Variants in GALNT9 observed in about 807,000 individuals in gnomAD.
GALNT9 encodes the protein GalNAc transferase 9.
Under a neutral mutation model 63.1 loss-of-function variants are expected in GALNT9, and 47 were observed. That is an observed-to-expected ratio of 0.75 (90% confidence interval 0.59 to 0.95). GALNT9 has a LOEUF of 0.95. GALNT9 is among the 40% of genes least tolerant of loss of function. GALNT9 has a pLI of 0.00. For missense variants in GALNT9, 829 were observed against 874.8 expected, an observed-to-expected ratio of 0.95 and a Z score of 0.66; for synonymous variants, 396 against 365.7, an observed-to-expected ratio of 1.08 and a Z score of -0.94.
chr12:132,281,211 T>G (rs946633615), intron 2 of GALNT9, among the ~76,000 whole-genome samples: 2 of 152,372 alleles, frequency 1.3e-5, no homozygotes, highest in South Asian at 2.1e-4. Flanking sequence ...CACCGGGGTC[T>G]GCGTTCTAAG....
Position 132,245,984 on chromosome 12 carries a change from C to G in GALNT9, c.1077+1926G>C, listed in dbSNP as rs1269860727. On this transcript the variant is annotated intron_variant, in intron 6 of 10. Coordinates refer to ENST00000328957, the MANE Select transcript of GALNT9 (RefSeq NM_001122636.2). The surrounding 1 kb of genome is among the most constrained non-coding windows in gnomAD (Gnocchi z 6.3). ...GCACTGCCGGTCCCCGGCACCCTCC[C>G]CAGGCTGTCCTCCTCGTCTCTGCGG... Among the ~76,000 whole-genome samples, 4 of 152,236 alleles carry G rather than the reference C, an allele frequency of 2.6e-5. No homozygotes were observed. The highest frequency in any genetic ancestry group is 2.6e-4 in the Admixed American group (4 of 15,292).
intron 1 of GALNT9, among the ~76,000 whole-genome samples, chr12:132,304,565 C>T (rs1881486323): frequency 2.2e-5 from 1 of 45,496 alleles, no homozygotes; most frequent in Non-Finnish European, 3.8e-5. Flanking sequence ...ACACCCTCAC[C>T]GGGGCACACC....
chr12:132,255,217 A>G (rs1295343841), intron 5 of GALNT9, among the ~76,000 whole-genome samples: 2 of 152,206 alleles, frequency 1.3e-5, no homozygotes, highest in East Asian at 3.8e-4. Flanking sequence ...CTGGAACACT[A>G]AAACACAGAT....
At chr12:132,257,005 C>T (rs79362758) in intron 5 of GALNT9, among the ~76,000 whole-genome samples, 143,198 of 152,020 alleles carry the variant, frequency 0.94, 67,640 homozygotes, top group Non-Finnish European at 0.97. Context: ...GAACGGGGGG[C>T]TTCAGCAGCT....
intron 5 of GALNT9, among the ~76,000 whole-genome samples, chr12:132,256,388 G>A (rs1555239089): frequency 6.6e-6 from 1 of 151,938 alleles, no homozygotes; most frequent in Non-Finnish European, 1.5e-5. Flanking sequence ...CTGTTTCTAA[G>A]TATTCCGTGA....
intron 1 of GALNT9, among the ~76,000 whole-genome samples, chr12:132,301,371 T>C (rs79077965): frequency 0.03 from 4,582 of 152,308 alleles, 134 homozygotes; most frequent in East Asian, 0.12. Flanking sequence ...CTCCGCGCCC[T>C]GTTTCACAGA....
intron 6 of GALNT9, among the ~76,000 whole-genome samples, chr12:132,235,001 C>G (rs1439577133): frequency 3.4e-5 from 1 of 29,300 alleles, no homozygotes; most frequent in Non-Finnish European, 5.5e-5. Flanking sequence ...CCTAGTGCCA[C>G]ACACTCGATG....
In GALNT9 at chr12:132,227,636, G is replaced by A. The variant is rs948271795; in HGVS notation, c.1077+20274C>T. On this transcript the variant is annotated intron_variant, in intron 6 of 10. Coordinates refer to ENST00000328957, the MANE Select transcript of GALNT9 (RefSeq NM_001122636.2). The stretch of plus-strand genomic sequence containing the variant: ...ACTGGTGTTTAAGGAATGTCTGCAC[G>A]TGATGAAAATTAGCATGCTTGCTGT... Among the ~76,000 whole-genome samples, 465 of 152,318 alleles carry A rather than the reference G, an allele frequency of 3.1e-3. 1 individual carries two copies. The highest frequency in any genetic ancestry group is 0.01 in the African/African-American group (428 of 41,572).
At chr12:132,242,470 A>G (rs1878453717) in intron 6 of GALNT9, among the ~76,000 whole-genome samples, 1 of 3,864 alleles carries the variant, frequency 2.6e-4, no homozygotes. Flanking sequence ...CACACACGCC[A>G]CACCCCCTTC....
chr12:132,261,773 C>T (rs970269796), intron 3 of GALNT9, among the ~76,000 whole-genome samples: 3 of 152,254 alleles, frequency 2.0e-5, no homozygotes, highest in Non-Finnish European at 2.9e-5. Flanking sequence ...GTCACGGCTG[C>T]AGGCTCTCTG....
chr12:132,228,377 GAT>G (rs1877776732), intron 6 of GALNT9, among the ~76,000 whole-genome samples: 2 of 142,044 alleles, frequency 1.4e-5, no homozygotes, highest in Admixed American at 7.1e-5. Context: ...GAGGAAGGGT[GAT>G]ACCTCTTTGC....
At chr12:132,247,778 C>T in intron 6 of GALNT9, 132 bp downstream of exon 6, 1 of 1,244,712 alleles carries the variant, frequency 8.0e-7, no homozygotes, top group Non-Finnish European at 1.1e-6. Flanking sequence ...TCACCCCATC[C>T]CCGGACGCTG....
At chr12:132,303,151 G>GTGGCCTTC (rs1881372865) in intron 1 of GALNT9, among the ~76,000 whole-genome samples, 1 of 152,044 alleles carries the variant, frequency 6.6e-6, no homozygotes, top group Non-Finnish European at 1.5e-5. Flanking sequence ...TGTCACCCCT[G>GTGGCCTTC]TGGCCTTCAC....
chr12:132,260,971 G>T lies in GALNT9; in HGVS notation c.738C>A (p.Ala246=). The change falls in exon 4 of 11, where the codon GCC becomes GCA. Residue 246 remains alanine (A), a synonymous_variant. Coordinates refer to ENST00000328957, the MANE Select transcript of GALNT9 (RefSeq NM_001122636.2). ...ACCAGCCCGTGTTGAACTCGACGTG[G>T]GCATCAAAGAAGCCGACGACTGGGG... ...ATAPVVGFFD[A]HVEFNTGWAE... is the part of the protein sequence containing the mutation. The T allele has an allele frequency of 6.5e-7, 1 of 1,547,174 alleles. No homozygotes were observed.
rs370366560 is a variant in GALNT9 at position 132,304,521 on chromosome 12, A to G, written c.239-18091T>C. Among the ~76,000 whole-genome samples, 40 of 27,224 alleles carry G rather than the reference A, an allele frequency of 1.5e-3. 1 individual carries two copies. The highest frequency in any genetic ancestry group is 3.0e-3 in the Admixed American group (7 of 2,306). The allele number at this position is 27,224 out of a possible 152,430, so 17.9% of individuals were successfully genotyped here. A position where few individuals can be genotyped will look rare whatever the true frequency, so the allele number is the denominator to read the frequency against. ...CTTGCCCGGGCACACCCTCGCCCGG[A>G]CACACCCTCACCCGGGCACAGAATC... On this transcript the variant is annotated intron_variant, in intron 1 of 10. Coordinates refer to ENST00000328957, the MANE Select transcript of GALNT9 (RefSeq NM_001122636.2).
rs935736028 is a variant in GALNT9, at chr12:132,279,054, T to A, written c.419+7196A>T. 1.3e-5 allele frequency: 2 copies of A among 152,258 alleles called. No individual in the cohort carries two copies. The highest frequency in any genetic ancestry group is 2.4e-5 in the African/African-American group (1 of 41,462). 9.4% of individuals were successfully genotyped at this position (152,258 alleles called of 1,614,324 possible). ...GACCCCACGGCATGGTGACTGTCACTGCAGAGGGCTAGAGAGGGCCGCGTG... is the reference window on the plus strand; with the variant it reads ...GACCCCACGGCATGGTGACTGTCACAGCAGAGGGCTAGAGAGGGCCGCGTG... On this transcript the variant is annotated intron_variant, in intron 2 of 10. Coordinates refer to ENST00000328957, the MANE Select transcript of GALNT9 (RefSeq NM_001122636.2). The surrounding 1 kb of genome is among the most constrained non-coding windows in gnomAD (Gnocchi z 4.1).
intron 5 of GALNT9, among the ~76,000 whole-genome samples, chr12:132,249,448 A>C (rs73488344): frequency 0.017 from 2,646 of 152,388 alleles, 80 homozygotes; most frequent in African/African-American, 0.06. Flanking sequence ...AGGAGCATTA[A>C]AAAGCAATTG....
At chr12:132,280,499 T>A (rs936753017) in intron 2 of GALNT9, 1 of 152,196 alleles carries the variant, frequency 6.6e-6, no homozygotes, top group African/African-American at 2.4e-5. Context: ...TGAAGCAAAG[T>A]GTCCAGAAGG....
At chr12:132,292,660 C>T (rs1456912338) in intron 1 of GALNT9, among the ~76,000 whole-genome samples, 1 of 152,214 alleles carries the variant, frequency 6.6e-6, no homozygotes, top group African/African-American at 2.4e-5. Flanking sequence ...TGAAGCCGGA[C>T]ACCAGGCTCC....
Sources: gnomAD v4.1 joint callset for allele counts (sites outside exome capture counted in the v4.1 genomes callset) on GRCh38, gnomAD v4.1.1 for gene constraint, Gnocchi (gnomAD v3.1) non-coding constraint, MANE v1.5 for transcripts, NCBI Gene and HGNC (gene_info 2026-07-23, HGNC 2026-07-21) for gene names.